The following GAREM1 variants were observed in gnomAD, a reference collection of about 807,000 sequenced individuals.
GAREM1 encodes GRB2 associated regulator of MAPK1 subtype 1, also known as GRB2-associated and regulator of MAPK protein 1.
In GAREM1, 26 loss-of-function variants were observed where a neutral mutation model predicts 71.3. The observed-to-expected ratio is 0.36, with a 90% CI of 0.27 to 0.51. The LOEUF (loss-of-function observed/expected upper bound fraction) is 0.51. GAREM1 is among the 20% of genes least tolerant of loss of function. GAREM1 has a pLI of 0.95. For missense variants in GAREM1, 1,026 were observed against 1,103.1 expected (o/e 0.93, Z 0.99); for synonymous variants, 440 against 433.2 (o/e 1.02, Z -0.20).
chr18:32,413,343 T>G (rs2048438613), intron 1 of GAREM1: 1 of 758,506 alleles, frequency 1.3e-6, no homozygotes, highest in Non-Finnish European at 2.1e-6. Flanking sequence ...CACATAAAAC[T>G]TGAAAGAAAC....
At chr18:32,288,311 T>A (rs1200503891) in intron 3 of GAREM1, 108 bp from the exon 4 acceptor site, 11 of 797,440 alleles carry the variant, frequency 1.4e-5, no homozygotes, top group Non-Finnish European at 2.1e-5. Flanking sequence ...AATGCTGCGC[T>A]TTTCTTTAAT....
rs1038971958 is a variant in GAREM1 at position 32,265,707 on chromosome 18, A to G, written c.*2164T>C. ...TTGTGTAAAGTTTTTACAAAAAGAA[A>G]AAAAACGCTAAAAGGAGTCAGTTGT... is the stretch of plus-strand genomic sequence containing the variant. On this transcript the variant is annotated 3_prime_UTR_variant, in exon 6 of 6. Coordinates refer to ENST00000269209, the MANE Select transcript of GAREM1 (RefSeq NM_001242409.2). 3 of 152,222 alleles carry G rather than the reference A, an allele frequency of 2.0e-5. No individual in the cohort carries two copies. Among genetic ancestry groups the G allele is most frequent in the African/African-American group, 7.2e-5 (3 of 41,454 alleles). 9.4% of individuals were successfully genotyped at this position (152,222 alleles called of 1,614,324 possible).
intron 2 of GAREM1, among the ~76,000 whole-genome samples, chr18:32,315,465 A>AAT (rs985489758): frequency 6.8e-6 from 1 of 147,344 alleles, no homozygotes; most frequent in Non-Finnish European, 1.5e-5. Flanking sequence ...TATATATATA[A>AAT]ATATATATAA....
chr18:32,283,706 T>C (rs1040755053), intron 4 of GAREM1, among the ~76,000 whole-genome samples: 2 of 152,130 alleles, frequency 1.3e-5, no homozygotes, highest in East Asian at 3.9e-4. Context: ...ACAAAATACA[T>C]GAATGGGATT....
intron 2 of GAREM1, 29 bp downstream of exon 2, chr18:32,392,866 C>T (rs764873089): frequency 9.8e-5 from 157 of 1,600,674 alleles, no homozygotes; most frequent in Non-Finnish European, 1.3e-4. Context: ...TCTCTCGCTG[C>T]CTCATCTTGG....
At chr18:32,446,223 A>AGAGT (rs201897187) in intron 1 of GAREM1, among the ~76,000 whole-genome samples, 1 of 143,344 alleles carries the variant, frequency 7.0e-6, no homozygotes, top group African/African-American at 2.6e-5. Flanking sequence ...AGTTCCCCAT[A>AGAGT]GTGTGTGTGT....
intron 4 of GAREM1, among the ~76,000 whole-genome samples, chr18:32,272,266 T>C (rs11665544): frequency 6.6e-6 from 1 of 152,272 alleles, no homozygotes; most frequent in Non-Finnish European, 1.5e-5. Flanking sequence ...TGGCTATGGG[T>C]AGCCCAGTAA....
At chr18:32,373,044 T>C (rs556069234) in intron 2 of GAREM1, among the ~76,000 whole-genome samples, 1 of 152,190 alleles carries the variant, frequency 6.6e-6, no homozygotes, top group African/African-American at 2.4e-5. Flanking sequence ...TGACAATGCT[T>C]TTCTGTATTA....
chr18:32,348,613 A>T (rs983259370), intron 2 of GAREM1, among the ~76,000 whole-genome samples: 1 of 152,126 alleles, frequency 6.6e-6, no homozygotes, highest in African/African-American at 2.4e-5. Flanking sequence ...AATTCCAGCT[A>T]CTGAGGAGGC....
intron 3 of GAREM1, among the ~76,000 whole-genome samples, chr18:32,291,556 G>T (rs749534294): frequency 6.6e-6 from 1 of 151,666 alleles, no homozygotes; most frequent in East Asian, 1.9e-4. Context: ...GGTTTATTAC[G>T]TAGGTATACA....
intron 2 of GAREM1, among the ~76,000 whole-genome samples, chr18:32,325,826 T>C (rs1206827548): frequency 6.6e-6 from 1 of 152,206 alleles, no homozygotes; most frequent in Non-Finnish European, 1.5e-5. Flanking sequence ...TCCAGTTCTA[T>C]AATCCAGGAC....
chr18:32,452,505 TA>T lies in GAREM1; in HGVS notation c.121+17802del, dbSNP rs1156602034. 3.3e-5 allele frequency among the ~76,000 whole-genome samples: 5 copies of T among 152,170 alleles called. No individual in the cohort carries two copies. In the South Asian group the frequency reaches 1.0e-3, roughly 32 times the overall value. ...TTGAACAACTAGTTCAGTGATCAAT[TA>T]ACATTTTCTATTAAACCTGTCCCAA... On this transcript the variant is annotated intron_variant, in intron 1 of 5. Coordinates refer to ENST00000269209, the MANE Select transcript of GAREM1 (RefSeq NM_001242409.2).
chr18:32,364,178 G>T (rs2047906494), intron 2 of GAREM1, among the ~76,000 whole-genome samples: 1 of 149,636 alleles, frequency 6.7e-6, no homozygotes, highest in African/African-American at 2.5e-5. Flanking sequence ...GGGATTACAG[G>T]AACCCACCAC....
intron 1 of GAREM1, among the ~76,000 whole-genome samples, chr18:32,430,792 G>A (rs1389604895): frequency 6.6e-6 from 1 of 152,226 alleles, no homozygotes; most frequent in Non-Finnish European, 1.5e-5. Flanking sequence ...GTGGTTCCAA[G>A]AGTATGGGGC....
intron 3 of GAREM1, among the ~76,000 whole-genome samples, chr18:32,302,991 T>C (rs2047215341): frequency 6.6e-6 from 1 of 152,212 alleles, no homozygotes; most frequent in African/African-American, 2.4e-5. Flanking sequence ...CCTCAGCTCC[T>C]GGGCAGACCA....
At chr18:32,334,323 C>T (rs922617430) in intron 2 of GAREM1, among the ~76,000 whole-genome samples, 6 of 152,138 alleles carry the variant, frequency 3.9e-5, no homozygotes, top group Non-Finnish European at 7.4e-5. Flanking sequence ...TTAAAACACA[C>T]GACACCCCGA....
chr18:32,437,706 A>G (rs2048692786), intron 1 of GAREM1, among the ~76,000 whole-genome samples: 1 of 152,142 alleles, frequency 6.6e-6, no homozygotes, highest in Non-Finnish European at 1.5e-5. Flanking sequence ...AAACCAGGGA[A>G]CTTTCAAACA....
At chr18:32,325,506 A>G (rs574105126) in intron 2 of GAREM1, among the ~76,000 whole-genome samples, 8 of 152,208 alleles carry the variant, frequency 5.3e-5, no homozygotes, top group Non-Finnish European at 1.0e-4. Flanking sequence ...TTTCCTCTCA[A>G]TTGTGCCGTG....
intron 2 of GAREM1, among the ~76,000 whole-genome samples, chr18:32,350,164 T>A (rs535657215): frequency 7.9e-5 from 12 of 152,334 alleles, no homozygotes; most frequent in African/African-American, 2.6e-4. Flanking sequence ...TTTGAAAAGT[T>A]GAAAACTGCC....
Sources: allele counts gnomAD v4.1 joint callset (sites outside exome capture counted in the v4.1 genomes callset), GRCh38; gene constraint gnomAD v4.1.1; transcripts MANE v1.5; gene names NCBI Gene and HGNC (gene_info 2026-07-23, HGNC 2026-07-21).